The following CEMIP variants were observed in gnomAD, a reference collection of about 807,000 sequenced individuals.
CEMIP encodes the protein cell migration-inducing and hyaluronan-binding protein.
A neutral mutation model predicts 156.9 loss-of-function variants in CEMIP; 105 were observed. That is an observed-to-expected ratio of 0.67 (90% CI 0.57 to 0.79). The LOEUF is 0.79. Ranked by LOEUF, CEMIP falls within the 30% of genes least tolerant of loss-of-function variation. The pLI is 0.00. For missense variants in CEMIP, 1,457 were observed against 1,769.4 expected, an observed-to-expected ratio of 0.82 and a Z score of 3.17; for synonymous variants, 676 against 668.4, an observed-to-expected ratio of 1.01 and a Z score of -0.17.
intron 24 of CEMIP, 69 bp from the exon 25 acceptor site, chr15:80,937,725 A>G (rs1246447170): frequency 6.7e-7 from 1 of 1,484,644 alleles, no homozygotes; most frequent in African/African-American, 1.4e-5. Context: ...CTCTTTCTCC[A>G]AGGCATGCTC....
rs115872637 is a variant in CEMIP at position 80,867,440 on chromosome 15, G to A, written c.-175-6098G>A. 2.1e-3 allele frequency among the ~76,000 whole-genome samples: 318 copies of A among 152,340 alleles called. 1 individual carries two copies. Among genetic ancestry groups the A allele is most frequent in the African/African-American group, 7.2e-3 (300 of 41,574 alleles). ...GCAGCAATGGGAGAGGTCTGGGCAG[G>A]TGTGTTTTCAAAAGGTAAAAGTAAC... On this transcript the variant is annotated intron_variant, in intron 1 of 29. Coordinates refer to ENST00000394685, the MANE Select transcript of CEMIP (RefSeq NM_001293298.2).
At chr15:80,927,582 A>C (rs1458793428) in intron 19 of CEMIP, among the ~76,000 whole-genome samples, 1 of 152,210 alleles carries the variant, frequency 6.6e-6, no homozygotes, top group Non-Finnish European at 1.5e-5. Flanking sequence ...AAAAATTGCG[A>C]AGACCCCTCC....
At chr15:80,874,001 G>T (rs1396942126) in intron 3 of CEMIP, 28 bp downstream of exon 3, 1 of 1,541,992 alleles carries the variant, frequency 6.5e-7, no homozygotes, top group Admixed American at 1.9e-5. Context: ...ATGGACCTCT[G>T]TATCTCAGCA....
At chr15:80,826,112 CTAGGCTGCTTTATGCATGG>C (rs1414082522) in intron 1 of CEMIP, among the ~76,000 whole-genome samples, 1 of 152,204 alleles carries the variant, frequency 6.6e-6, no homozygotes, top group Admixed American at 6.5e-5. Flanking sequence ...CTTCTGCATG[CTAGGCTGCTTTATGCATGG>C]TAGGGAATTA....
intron 8 of CEMIP, among the ~76,000 whole-genome samples, chr15:80,888,436 A>G (rs1898924377): frequency 6.6e-6 from 1 of 152,134 alleles, no homozygotes. Context: ...GCCAAGGAGG[A>G]ATTCAGACCG....
chr15:80,875,732 G>T (rs961934743), intron 3 of CEMIP, among the ~76,000 whole-genome samples: 18 of 152,198 alleles, frequency 1.2e-4, no homozygotes, highest in African/African-American at 4.3e-4. Flanking sequence ...CCCCTCCTGG[G>T]AAAGTGAGGG....
chr15:80,856,320 C>T (rs1451086552), intron 1 of CEMIP, among the ~76,000 whole-genome samples: 2 of 152,206 alleles, frequency 1.3e-5, no homozygotes, highest in Non-Finnish European at 1.5e-5. Context: ...TAATAATATG[C>T]AGGCTGAAGT....
intron 10 of CEMIP, among the ~76,000 whole-genome samples, chr15:80,893,620 T>C (rs1007717095): frequency 1.3e-5 from 2 of 152,174 alleles, no homozygotes; most frequent in Non-Finnish European, 2.9e-5. Context: ...TGAACCCCTC[T>C]GAGCATCAGC....
intron 12 of CEMIP, chr15:80,901,062 C>T (rs534100450): frequency 1.1e-5 from 5 of 436,350 alleles, no homozygotes; most frequent in African/African-American, 1.0e-4. Flanking sequence ...TGATTACCAA[C>T]ACCTCACAGT....
intron 1 of CEMIP, among the ~76,000 whole-genome samples, 194 bp from the exon 2 acceptor site, chr15:80,873,344 C>G (rs912961168): frequency 9.2e-5 from 14 of 152,088 alleles, no homozygotes; most frequent in African/African-American, 2.7e-4. Flanking sequence ...TTATCCGGGA[C>G]TGGATTAGAA....
chr15:80,848,792 G>T (rs988757984), intron 1 of CEMIP, among the ~76,000 whole-genome samples: 1 of 151,960 alleles, frequency 6.6e-6, no homozygotes, highest in Non-Finnish European at 1.5e-5. Flanking sequence ...CCCAAGAGGG[G>T]CTAAATGGAC....
rs1553647 is a variant in CEMIP, at chr15:80,920,267, G to A, written c.1971G>A (p.Pro657=). ...MCKMITEDSY[P]GYIPKPRQDC... ...AGATGATCACAGAGGACTCCTACCC[G>A]GGGTACATCCCCAAGCCCAGGCAAG... The change falls in exon 15 of 30, where the codon CCG becomes CCA. Residue 657 remains proline (P), a synonymous_variant. Transcript: ENST00000394685. 1,610,573 of 1,614,182 alleles carry A rather than the reference G, an allele frequency of 1. 803,521 individuals are homozygous for A. The highest frequency in any genetic ancestry group is 1 in the East Asian group (44,875 of 44,876).
chr15:80,814,382 G>A (rs1292126767), intron 1 of CEMIP, among the ~76,000 whole-genome samples: 5 of 152,030 alleles, frequency 3.3e-5, no homozygotes, highest in Admixed American at 6.6e-5. Flanking sequence ...AGCAACCCAC[G>A]GCTTGGCCAC....
In CEMIP at chr15:80,826,582, T is replaced by C. The variant is rs571521907; in HGVS notation, c.-175-46956T>C. ...TAAGACCTGAACTTGAGCTATAGTC[T>C]CTTGGCTTTTAAATTATGCAGGCCT... is the stretch of plus-strand genomic sequence containing the variant. On this transcript the variant is annotated intron_variant, in intron 1 of 29. Coordinates refer to ENST00000394685, the MANE Select transcript of CEMIP (RefSeq NM_001293298.2). Among the ~76,000 whole-genome samples, 19 of 152,304 alleles carry C rather than the reference T, an allele frequency of 1.2e-4. No individual in the cohort carries two copies. The East Asian group carries it at 3.5e-3, about 28-fold the overall frequency.
intron 21 of CEMIP, among the ~76,000 whole-genome samples, chr15:80,931,536 T>C (rs1427298831): frequency 6.6e-6 from 1 of 152,196 alleles, no homozygotes; most frequent in Non-Finnish European, 1.5e-5. Context: ...AGGACCATTC[T>C]CCAAACTCCA....
At chr15:80,783,586 T>C (rs1310684435) in intron 1 of CEMIP, among the ~76,000 whole-genome samples, 1 of 152,208 alleles carries the variant, frequency 6.6e-6, no homozygotes, top group African/African-American at 2.4e-5. Context: ...TCTACTGTTT[T>C]GCAAGCTATT....
chr15:80,896,456 A>G, intron 12 of CEMIP: 1 of 442,828 alleles, frequency 2.3e-6, no homozygotes, highest in Non-Finnish European at 4.5e-6. Context: ...CACATGGTAA[A>G]GCACAACACA....
intron 1 of CEMIP, among the ~76,000 whole-genome samples, chr15:80,814,517 A>G (rs1183172352): frequency 6.6e-6 from 1 of 151,628 alleles, no homozygotes. Context: ...ACAATCTCCT[A>G]CTCTTCCTTC....
At chr15:80,858,927 A>G (rs887948096) in intron 1 of CEMIP, among the ~76,000 whole-genome samples, 1 of 152,200 alleles carries the variant, frequency 6.6e-6, no homozygotes, top group African/African-American at 2.4e-5. Context: ...CTCAAGTATT[A>G]GCTTTCTCCA....
Sources: allele counts gnomAD v4.1 joint callset (sites outside exome capture counted in the v4.1 genomes callset), GRCh38; gene constraint gnomAD v4.1.1; transcripts MANE v1.5; gene names NCBI Gene and HGNC (gene_info 2026-07-23, HGNC 2026-07-21).